Variants in CD164L2 observed in about 807,000 individuals in gnomAD.
CD164L2 encodes the protein CD164 sialomucin-like 2 protein.
A neutral mutation model predicts 23.9 loss-of-function variants in CD164L2; 21 were observed. The observed-to-expected ratio is 0.88, with a 90% CI of 0.62 to 1.27. The LOEUF is 1.27. Ranked by LOEUF, CD164L2 falls within the 50% of genes most tolerant of loss-of-function variation. The pLI, the probability that CD164L2 is intolerant of heterozygous loss-of-function variation, is 0.00. For missense variants in CD164L2, 230 were observed against 224.8 expected (o/e 1.02, Z -0.15); for synonymous variants, 92 against 90.2 (o/e 1.02, Z -0.11).
chr1:27,381,993 C>T (rs1188359381), intron 3 of CD164L2, 169 bp from the exon 4 acceptor site: 7 of 1,370,908 alleles, frequency 5.1e-6, no homozygotes, highest in Admixed American at 2.3e-5. Context: ...CAGATGTGCT[C>T]TCTCTCCATC....
At chr1:27,381,466 C>T (rs2016334150) in intron 4 of CD164L2, among the ~76,000 whole-genome samples, 2 of 152,194 alleles carry the variant, frequency 1.3e-5, no homozygotes, top group Non-Finnish European at 2.9e-5. Context: ...CACACACCCT[C>T]ACCTCCAAGG....
chr1:27,381,913 G>A, intron 3 of CD164L2, 89 bp from the exon 4 acceptor site: 12 of 1,530,578 alleles, frequency 7.8e-6, no homozygotes, highest in Admixed American at 5.3e-5. Context: ...CTAAACTTCC[G>A]ATTCAGATGC....
intron 3 of CD164L2, 109 bp from the exon 4 acceptor site, chr1:27,381,933 CCTACT>C (rs1292928980): frequency 6.9e-7 from 1 of 1,451,146 alleles, no homozygotes; most frequent in Non-Finnish European, 9.5e-7. Flanking sequence ...CAGCCCTGTC[CCTACT>C]CTAGACATCC....
In CD164L2 at chr1:27,379,184, AGAGTTC is replaced by A. The variant is rs1341108969; in HGVS notation, c.*313_*318del. The A allele has an allele frequency of 1.2e-5, 6 of 508,348 alleles. No homozygotes were observed. Among genetic ancestry groups the A allele is most frequent in the Non-Finnish European group, 2.1e-5 (6 of 279,268 alleles). The allele number at this position is 508,348 out of a possible 1,614,324, so 31.5% of individuals were successfully genotyped here. On this transcript the variant is annotated 3_prime_UTR_variant, in exon 6 of 6. Coordinates refer to ENST00000374030, the MANE Select transcript of CD164L2 (RefSeq NM_001330448.1). ...AGACACAGGACATGAAGTGCAGTGC[AGAGTTC>A]CTTTATTTGGGGGCAGTGCCCAGGC...
In CD164L2 at chr1:27,380,206, G is replaced by A. The variant is rs769426863; in HGVS notation, c.374-11C>T. 9.3e-6 allele frequency: 15 copies of A among 1,612,272 alleles called. No homozygotes were observed. In the South Asian group the frequency reaches 1.1e-4, roughly 12 times the overall value. ...GGACTGGGGGGCTCCCTGCAGGGGT[G>A]AGGCAGGGCAGGGGTCATAGCAGTC... On this transcript the variant is annotated splice_polypyrimidine_tract_variant and intron_variant, in intron 4 of 5. Coordinates refer to ENST00000374030, the MANE Select transcript of CD164L2 (RefSeq NM_001330448.1).
At chr1:27,381,700 G>T in intron 4 of CD164L2, 80 bp downstream of exon 4, 2 of 1,510,220 alleles carry the variant, frequency 1.3e-6, no homozygotes, top group Non-Finnish European at 1.8e-6. Flanking sequence ...AGGTCACAGA[G>T]CATGTCAGTG....
At chr1:27,379,800 A>T (rs1187336749) in intron 5 of CD164L2, 2 of 1,437,408 alleles carry the variant, frequency 1.4e-6, no homozygotes, top group Non-Finnish European at 1.8e-6. Context: ...GCATGAAGGG[A>T]AAAGACACAG....
chr1:27,379,875 A>T, intron 5 of CD164L2, 176 bp downstream of exon 5: 1 of 1,500,706 alleles, frequency 6.7e-7, no homozygotes. Flanking sequence ...CATCTGACAA[A>T]GGAAACACCC....
At chr1:27,379,828 C>A in intron 5 of CD164L2, 1 of 1,460,936 alleles carries the variant, frequency 6.8e-7, no homozygotes. Flanking sequence ...CAGCTGGGCT[C>A]CTAGACTGGC....
Position 27,383,288 on chromosome 1 carries a change from C to G in CD164L2, c.-49G>C, listed in dbSNP as rs575464371. On this transcript the variant is annotated 5_prime_UTR_variant, in exon 1 of 6. Coordinates refer to ENST00000374030, the MANE Select transcript of CD164L2 (RefSeq NM_001330448.1). ...GGGGGCGGTGGCCGGGATCGGTGGACAGCTGCCGGGCGCGTCCCTCCCAGA... is the reference window on the plus strand; with the variant it reads ...GGGGGCGGTGGCCGGGATCGGTGGAGAGCTGCCGGGCGCGTCCCTCCCAGA... The G allele has an allele frequency of 1.8e-3, 2,214 of 1,245,588 alleles. 32 individuals carry two copies. In the African/African-American group the frequency reaches 0.025, roughly 14 times the overall value. 77.2% of individuals were successfully genotyped at this position (1,245,588 alleles called of 1,614,324 possible).
chr1:27,382,517 C>T lies in CD164L2; in HGVS notation c.239G>A (p.Cys80Tyr), dbSNP rs772193693. 11 of 1,608,994 alleles carry T rather than the reference C, an allele frequency of 6.8e-6. No homozygotes were observed. Among genetic ancestry groups the T allele is most frequent in the South Asian group, 1.1e-5 (1 of 90,548 alleles). The part of the protein sequence containing the change: ...RNLSSCVWEQ[C>Y]RPEEPGHCVA... Reference sequence around the variant, plus strand: ...CTCCATACCTGGCTCCTCTGGCCGGCACTGCTCCCACACGCAGCTGGAGAG... The same window carrying T: ...CTCCATACCTGGCTCCTCTGGCCGGTACTGCTCCCACACGCAGCTGGAGAG... The change falls in exon 2 of 6, where the codon TGC becomes TAC. Residue 80 changes from cysteine (C) to tyrosine (Y), a missense_variant. Cys to Tyr is a radical substitution (Grantham distance 194). Transcript: ENST00000374030.
intron 5 of CD164L2, 24 bp downstream of exon 5, chr1:27,380,027 A>C: frequency 1.2e-6 from 2 of 1,611,320 alleles, no homozygotes; most frequent in Admixed American, 1.7e-5. Context: ...GGACTCAGGT[A>C]CTTGCTGCTG....
intron 5 of CD164L2, 82 bp from the exon 6 acceptor site, chr1:27,379,591 G>A: frequency 1.3e-6 from 2 of 1,550,416 alleles, no homozygotes; most frequent in South Asian, 2.4e-5. Flanking sequence ...GGAGGCAGCA[G>A]AGGAAGAGCA....
intron 3 of CD164L2, 110 bp downstream of exon 3, chr1:27,382,218 A>C (rs1189805064): frequency 6.2e-7 from 1 of 1,610,956 alleles, no homozygotes; most frequent in Non-Finnish European, 8.5e-7. Flanking sequence ...TACCGGGCCC[A>C]GGTATGGGTG....
Position 27,380,125 on chromosome 1 carries a change from C to A in CD164L2, c.444G>T (p.Leu148=), listed in dbSNP as rs2016310291. 1 of 1,614,166 alleles carries A rather than the reference C, an allele frequency of 6.2e-7. No homozygotes were observed. Among genetic ancestry groups the A allele is most frequent in the Non-Finnish European group, 8.5e-7 (1 of 1,180,006 alleles). The change falls in exon 5 of 6, where the codon CTG becomes CTT. Residue 148 remains leucine (L), a synonymous_variant. Transcript: ENST00000374030. ...DGASFIGGVV[L]VLSLQAVAFF... is the part of the protein sequence containing the mutation. The stretch of plus-strand genomic sequence containing the variant: ...AAGCCACCGCCTGTAGGCTCAACAC[C>A]AGCACGACACCTCCGATAAAGCTGG...
At position 27,379,374 on chromosome 1, in the gene CD164L2, GC is replaced by G; in HGVS notation, c.*128del. Reference sequence around the variant, plus strand: ...GCATCAGACACTGAGCCTGCTTGGTGCCCGCAGGAGCCAAAAACTGGCGGCC... The same window carrying G: ...GCATCAGACACTGAGCCTGCTTGGTGCCGCAGGAGCCAAAAACTGGCGGCC... On this transcript the variant is annotated 3_prime_UTR_variant, in exon 6 of 6. Coordinates refer to ENST00000374030, the MANE Select transcript of CD164L2 (RefSeq NM_001330448.1). The G allele has an allele frequency of 2.5e-6, 2 of 812,998 alleles. No individual in the cohort carries two copies. The highest frequency in any genetic ancestry group is 4.1e-6 in the Non-Finnish European group (2 of 485,362). The allele number at this position is 812,998 out of a possible 1,614,324, so 50.4% of individuals were successfully genotyped here.
intron 5 of CD164L2, chr1:27,379,771 G>A (rs1377214471): frequency 7.0e-7 from 1 of 1,435,724 alleles, no homozygotes; most frequent in Non-Finnish European, 9.1e-7. Context: ...GCACCTACTG[G>A]TTCTCTTCCC....
intron 3 of CD164L2, 157 bp downstream of exon 3, chr1:27,382,171 A>G (rs560915137): frequency 6.4e-7 from 1 of 1,564,820 alleles, no homozygotes; most frequent in East Asian, 2.4e-5. Context: ...AGGCAGAGAG[A>G]GGAGGGGACT....
chr1:27,379,350 C>T lies in CD164L2; in HGVS notation c.*153G>A. On this transcript the variant is annotated 3_prime_UTR_variant, in exon 6 of 6. Coordinates refer to ENST00000374030, the MANE Select transcript of CD164L2 (RefSeq NM_001330448.1). ...GCCCAGGACAGGAGGAGATGTCAGG[C>T]ATCAGACACTGAGCCTGCTTGGTGC... 1.5e-6 allele frequency: 1 copy of T among 683,444 alleles called. No homozygotes were observed. The highest frequency in any genetic ancestry group is 1.7e-5 in the South Asian group (1 of 59,108). 42.3% of individuals were successfully genotyped at this position (683,444 alleles called of 1,614,324 possible). A position where few individuals can be genotyped will look rare whatever the true frequency, so the allele number is the denominator to read the frequency against.
Sources: allele counts gnomAD v4.1 joint callset (sites outside exome capture counted in the v4.1 genomes callset), GRCh38; gene constraint gnomAD v4.1.1; transcripts MANE v1.5; gene names NCBI Gene and HGNC (gene_info 2026-07-23, HGNC 2026-07-21).